The following LDB3 variants were observed in gnomAD, a reference collection of about 807,000 sequenced individuals.
The protein encoded by LDB3 is LIM domain-binding protein 3.
LDB3 carries 49 observed loss-of-function variants against 69.0 expected under a neutral mutation model. That is an observed-to-expected ratio of 0.71 (90% confidence interval 0.56 to 0.90). LDB3 has a LOEUF of 0.90. LDB3 is among the 40% of genes least tolerant of loss of function. The pLI, the probability that LDB3 is intolerant of heterozygous loss-of-function variation, is 0.00. For synonymous variants in LDB3, 387 were observed against 396.2 expected (o/e 0.98, Z 0.28); for missense variants, 928 against 974.1 (o/e 0.95, Z 0.63).
intron 5 of LDB3, among the ~76,000 whole-genome samples, chr10:86,682,741 A>G (rs1227605839): frequency 6.6e-6 from 1 of 152,172 alleles, no homozygotes; most frequent in Non-Finnish European, 1.5e-5. Context: ...TAAAGGGCCC[A>G]ACACTTGTAA....
At chr10:86,687,883 TAAAG>T (rs1188246536) in intron 5 of LDB3, among the ~76,000 whole-genome samples, 2 of 152,182 alleles carry the variant, frequency 1.3e-5, no homozygotes, top group Non-Finnish European at 2.9e-5. Flanking sequence ...TGAGGGTTGG[TAAAG>T]AAAGAGTTGG....
chr10:86,731,514 TGCCTG>T (rs1393646456), intron 13 of LDB3, among the ~76,000 whole-genome samples: 1 of 152,156 alleles, frequency 6.6e-6, no homozygotes, highest in Non-Finnish European at 1.5e-5. Flanking sequence ...TGAGCCACCA[TGCCTG>T]GCCCATCTCT....
intron 2 of LDB3, 68 bp from the exon 3 acceptor site, chr10:86,679,299 C>G (rs997259290): frequency 1.3e-6 from 2 of 1,590,478 alleles, no homozygotes; most frequent in Admixed American, 3.3e-5. Flanking sequence ...GTGACTCTTC[C>G]CCAAGGACTG....
chr10:86,668,401 T>TGGACC, upstream of LDB3: 3 of 503,884 alleles, frequency 6.0e-6, no homozygotes, highest in Non-Finnish European at 1.1e-5. Flanking sequence ...GTGTGAGTCA[T>TGGACC]GGTGGACCGG....
At chr10:86,713,357 C>T (rs747253486) in intron 9 of LDB3, among the ~76,000 whole-genome samples, 1 of 152,036 alleles carries the variant, frequency 6.6e-6, no homozygotes, top group Admixed American at 6.5e-5. Flanking sequence ...AGAGATTCTC[C>T]TGCCTTAGCC....
At chr10:86,724,310 C>A (rs1391189975) in intron 12 of LDB3, among the ~76,000 whole-genome samples, 2 of 140,370 alleles carry the variant, frequency 1.4e-5, no homozygotes, top group Admixed American at 7.3e-5. Flanking sequence ...GAGTCCACCT[C>A]AAAAAATAAA....
intron 2 of LDB3, among the ~76,000 whole-genome samples, chr10:86,676,325 G>A (rs931994726): frequency 6.6e-6 from 1 of 152,130 alleles, no homozygotes; most frequent in Non-Finnish European, 1.5e-5. Flanking sequence ...CACTTTGGGA[G>A]GCTGAGGCAG....
At chr10:86,706,474 C>A (rs1846445076) in intron 7 of LDB3, 57 bp from the exon 8 acceptor site, 2 of 1,583,040 alleles carry the variant, frequency 1.3e-6, no homozygotes, top group East Asian at 2.2e-5. Context: ...TGCAGAGGGG[C>A]CTCACAGGGT....
chr10:86,718,921 C>T, intron 12 of LDB3, 74 bp downstream of exon 12: 3 of 1,590,498 alleles, frequency 1.9e-6, no homozygotes, highest in Admixed American at 1.7e-5. Context: ...GAACTAACTC[C>T]TGCCTAATCC....
At chr10:86,730,247 G>A (rs1192353419) in intron 13 of LDB3, among the ~76,000 whole-genome samples, 2 of 152,148 alleles carry the variant, frequency 1.3e-5, no homozygotes, top group Non-Finnish European at 2.9e-5. Flanking sequence ...TCAACTCAAG[G>A]GGGTGATTTC....
intron 7 of LDB3, among the ~76,000 whole-genome samples, chr10:86,702,294 C>A (rs1278994559): frequency 6.6e-6 from 1 of 152,152 alleles, no homozygotes; most frequent in African/African-American, 2.4e-5. Flanking sequence ...TGACCAAGCC[C>A]AGTGGCAACA....
chr10:86,695,502 G>A (rs1468416671), intron 7 of LDB3, among the ~76,000 whole-genome samples: 1 of 152,170 alleles, frequency 6.6e-6, no homozygotes, highest in Non-Finnish European at 1.5e-5. Context: ...GCCTGAACAG[G>A]CCAGGCATCA....
At chr10:86,712,009 A>G (rs537665455) in intron 9 of LDB3, among the ~76,000 whole-genome samples, 37 of 152,174 alleles carry the variant, frequency 2.4e-4, no homozygotes, top group Non-Finnish European at 4.3e-4. Context: ...AAAAATAGCA[A>G]CAGCCCCGGG....
intron 12 of LDB3, among the ~76,000 whole-genome samples, chr10:86,720,729 T>C (rs1656109399): frequency 6.6e-6 from 1 of 152,242 alleles, no homozygotes; most frequent in Non-Finnish European, 1.5e-5. Flanking sequence ...AATTTGTGTC[T>C]GAGGCTTTTG....
At chr10:86,726,528 C>T (rs1332058764) in intron 13 of LDB3, 3 of 478,486 alleles carry the variant, frequency 6.3e-6, no homozygotes, top group Non-Finnish European at 1.2e-5. Context: ...CTTGTCTCAC[C>T]AGCAGTGTTG....
chr10:86,710,099 C>T, intron 9 of LDB3, 49 bp downstream of exon 9: 1 of 1,600,882 alleles, frequency 6.2e-7, no homozygotes, highest in Non-Finnish European at 8.5e-7. Context: ...TGGGCGGGCT[C>T]CAGGAGCCAC....
In LDB3 at chr10:86,716,752, C is replaced by A. The variant is rs1488010574; in HGVS notation, c.1657C>A (p.His553Asn). The stretch of plus-strand genomic sequence containing the variant: ...CAGCAGCCGGACTCCACTCTGCGGT[C>A]ACTGCAACAATGTCATCCGGTATGG... ...PASSRTPLCG[H>N]CNNVIRGPFL... Residue 553 changes from histidine (H) to asparagine (N), a missense_variant, in exon 10 of 14, where the codon CAC becomes AAC. Transcript: ENST00000361373. 2.5e-6 allele frequency: 4 copies of A among 1,611,240 alleles called. No individual in the cohort carries two copies. The Admixed American group carries it at 5.0e-5, about 20-fold the overall frequency.
chr10:86,687,964 C>T lies in LDB3; in HGVS notation c.690-3932C>T, dbSNP rs116612832. 3.7e-3 allele frequency among the ~76,000 whole-genome samples: 555 copies of T among 151,884 alleles called. 1 individual carries two copies. Among genetic ancestry groups the T allele is most frequent in the Middle Eastern group, 0.01 (3 of 294 alleles). The stretch of plus-strand genomic sequence containing the variant: ...ATTCATGCAGACAGACCTCTCTCTG[C>T]GTGTCTCTGTGTCTCCCTCTCTCTG... On this transcript the variant is annotated intron_variant, in intron 5 of 13. Transcript: ENST00000361373.
intron 5 of LDB3, among the ~76,000 whole-genome samples, chr10:86,689,138 C>T (rs1377570873): frequency 6.6e-6 from 1 of 152,158 alleles, no homozygotes; most frequent in Non-Finnish European, 1.5e-5. Flanking sequence ...TTTTCTTCCT[C>T]CTTCACCCAC....
Sources: gnomAD v4.1 joint callset for allele counts (sites outside exome capture counted in the v4.1 genomes callset) on GRCh38, gnomAD v4.1.1 for gene constraint, MANE v1.5 for transcripts, NCBI Gene and HGNC (gene_info 2026-07-23, HGNC 2026-07-21) for gene names.